The following SORCS1 variants were observed in gnomAD, a reference collection of about 807,000 sequenced individuals.
SORCS1 encodes the protein sortilin related VPS10 domain containing receptor 1, also known as VPS10 domain-containing receptor SorCS1.
Under a neutral mutation model 146.1 loss-of-function variants are expected in SORCS1, and 60 were observed. The observed-to-expected ratio is 0.41, with a 90% CI of 0.33 to 0.51. The LOEUF is 0.51. Among genes scored for constraint, SORCS1 ranks in the 20% least tolerant of loss-of-function variants. The pLI is 0.21. For missense variants in SORCS1, 1,352 were observed against 1,487.6 expected (o/e 0.91, Z 1.50); for synonymous variants, 637 against 584.0 (o/e 1.09, Z -1.31).
intron 3 of SORCS1, 113 bp from the exon 4 acceptor site, chr10:106,776,805 T>G (rs1420008176): frequency 1.8e-6 from 2 of 1,131,942 alleles, no homozygotes; most frequent in Non-Finnish European, 2.5e-6. Flanking sequence ...AGGCAAAGAA[T>G]GCTTGGCCAA....
chr10:106,724,525 TAAAATA>T (rs1856013869), intron 6 of SORCS1, among the ~76,000 whole-genome samples: 1 of 150,820 alleles, frequency 6.6e-6, no homozygotes, highest in African/African-American at 2.4e-5. Context: ...CAAAATAAAA[TAAAATA>T]AAAATAAAAA....
At chr10:106,621,450 C>T (rs1371326138) in intron 19 of SORCS1, among the ~76,000 whole-genome samples, 8 of 151,612 alleles carry the variant, frequency 5.3e-5, no homozygotes, top group Admixed American at 1.3e-4. Flanking sequence ...CTTCTGCTTG[C>T]CCTGTAAATG....
intron 2 of SORCS1, among the ~76,000 whole-genome samples, chr10:106,921,911 G>A (rs7097380): frequency 0.32 from 47,912 of 151,974 alleles, 7,868 homozygotes; most frequent in Middle Eastern, 0.4. Flanking sequence ...TATAATTCAC[G>A]CACCTTATTC....
intron 1 of SORCS1, among the ~76,000 whole-genome samples, chr10:107,024,424 C>T (rs1008179353): frequency 3.3e-5 from 5 of 152,044 alleles, no homozygotes; most frequent in African/African-American, 1.2e-4. Flanking sequence ...CTCATTATTA[C>T]CAAGATGGCA....
At chr10:106,910,455 G>A (rs957500385) in intron 2 of SORCS1, among the ~76,000 whole-genome samples, 6 of 152,098 alleles carry the variant, frequency 3.9e-5, no homozygotes, top group East Asian at 1.9e-4. Context: ...GGCACCTGGC[G>A]CAGAGTTAAT....
rs1962997067 is a variant in SORCS1, at chr10:107,077,608, C to A, written c.558+86361G>T. On this transcript the variant is annotated intron_variant, in intron 1 of 25. Coordinates refer to ENST00000263054, the MANE Select transcript of SORCS1 (RefSeq NM_052918.5). ...GTATTAAGCATTTCACATACTAGAT[C>A]TCATTTAACCCTCATAAGAATCTCT... Among the ~76,000 whole-genome samples, 2 of 150,760 alleles carry A rather than the reference C, an allele frequency of 1.3e-5. 1 individual carries two copies. The highest frequency in any genetic ancestry group is 3.9e-4 in the East Asian group (2 of 5,170).
intron 1 of SORCS1, among the ~76,000 whole-genome samples, chr10:107,071,762 T>C (rs74154845): frequency 0.028 from 4,197 of 152,290 alleles, 169 homozygotes; most frequent in African/African-American, 0.095. Context: ...ACCACATCAC[T>C]TACTTAAACA....
intron 10 of SORCS1, among the ~76,000 whole-genome samples, chr10:106,685,152 TG>T (rs547216853): frequency 8.0e-4 from 122 of 152,284 alleles, no homozygotes; most frequent in African/African-American, 2.8e-3. Context: ...AGGTAGAAAA[TG>T]TGACAAATCC....
chr10:106,904,699 A>G (rs1212508366), intron 2 of SORCS1, among the ~76,000 whole-genome samples: 1 of 152,224 alleles, frequency 6.6e-6, no homozygotes, highest in Non-Finnish European at 1.5e-5. Context: ...CCATGTTTAG[A>G]AAAATCTTAC....
chr10:106,614,489 C>G (rs1255038232), intron 21 of SORCS1, among the ~76,000 whole-genome samples: 1 of 152,146 alleles, frequency 6.6e-6, no homozygotes, highest in Non-Finnish European at 1.5e-5. Flanking sequence ...TCACTGGTCA[C>G]CTATGTGAAT....
intron 3 of SORCS1, among the ~76,000 whole-genome samples, chr10:106,792,306 C>G (rs77710367): frequency 0.01 from 1,580 of 152,336 alleles, 25 homozygotes; most frequent in African/African-American, 0.035. Context: ...ACTATGTCAT[C>G]AATTCCCAGT....
At chr10:106,840,189 T>C (rs1434466087) in intron 2 of SORCS1, among the ~76,000 whole-genome samples, 2 of 152,188 alleles carry the variant, frequency 1.3e-5, no homozygotes, top group African/African-American at 4.8e-5. Context: ...GCAAAATAAA[T>C]TGAAAACCTT....
chr10:107,162,170 C>T (rs192029009), intron 1 of SORCS1, among the ~76,000 whole-genome samples: 230 of 152,256 alleles, frequency 1.5e-3, no homozygotes, highest in Non-Finnish European at 2.8e-3. Flanking sequence ...CTCTTTCTTT[C>T]CAAGATCTTT....
At chr10:107,121,521 G>A (rs541631488) in intron 1 of SORCS1, among the ~76,000 whole-genome samples, 204 of 152,228 alleles carry the variant, frequency 1.3e-3, no homozygotes, top group African/African-American at 4.7e-3. Context: ...GCTAGATGAT[G>A]CCTGTTATTA....
At chr10:106,640,852 C>T (rs374904321) in intron 18 of SORCS1, among the ~76,000 whole-genome samples, 73 of 152,348 alleles carry the variant, frequency 4.8e-4, no homozygotes, top group African/African-American at 1.6e-3. Flanking sequence ...AAAAGTCAGG[C>T]ATGGTTTGAA....
chr10:106,814,955 C>T (rs1190914276), intron 3 of SORCS1, among the ~76,000 whole-genome samples: 4 of 148,030 alleles, frequency 2.7e-5, no homozygotes, highest in Non-Finnish European at 6.0e-5. Flanking sequence ...ATATTCTGTC[C>T]TTTTATTTAT....
At chr10:107,106,066 G>C (rs73385415) in intron 1 of SORCS1, among the ~76,000 whole-genome samples, 5,189 of 152,250 alleles carry the variant, frequency 0.034, 318 homozygotes, top group African/African-American at 0.12. Flanking sequence ...TCCCAGAGCT[G>C]ATCAAAGGAA....
chr10:106,652,907 T>A (rs896749438), intron 17 of SORCS1, among the ~76,000 whole-genome samples: 2 of 152,268 alleles, frequency 1.3e-5, no homozygotes, highest in Middle Eastern at 6.8e-3. Context: ...TAGGAGATAA[T>A]TCAAAGGCTA....
At chr10:106,956,485 T>C in intron 2 of SORCS1, 28 bp downstream of exon 2, 1 of 1,607,206 alleles carries the variant, frequency 6.2e-7, no homozygotes, top group East Asian at 2.2e-5. Flanking sequence ...AATAACACGG[T>C]AATTATTAGC....
Sources: gnomAD v4.1 joint callset for allele counts (sites outside exome capture counted in the v4.1 genomes callset) on GRCh38, gnomAD v4.1.1 for gene constraint, MANE v1.5 for transcripts, NCBI Gene and HGNC (gene_info 2026-07-23, HGNC 2026-07-21) for gene names.